Variants in ITGB3BP observed in about 807,000 individuals in gnomAD.
ITGB3BP encodes centromere protein R.
ITGB3BP carries 27 observed loss-of-function variants against 29.1 expected under a neutral mutation model. That is an observed-to-expected ratio of 0.93 (90% CI 0.68 to 1.28). The LOEUF is 1.28. ITGB3BP is among the 50% of genes most tolerant of loss of function. The pLI is 0.00. For missense variants in ITGB3BP, 192 were observed against 200.2 expected (o/e 0.96, Z 0.25); for synonymous variants, 61 against 61.4 (o/e 0.99, Z 0.03).
chr1:63,450,891 C>T (rs1282414774), intron 7 of ITGB3BP, among the ~76,000 whole-genome samples: 1 of 151,886 alleles, frequency 6.6e-6, no homozygotes, highest in African/African-American at 2.4e-5. Flanking sequence ...CTATGAAAAT[C>T]TCAGTGTGCC....
intron 3 of ITGB3BP, among the ~76,000 whole-genome samples, chr1:63,489,392 G>A (rs1181917901): frequency 4.2e-5 from 6 of 143,902 alleles, no homozygotes; most frequent in Non-Finnish European, 9.1e-5. Context: ...ACATGTCACT[G>A]ATTCATAACC....
intron 8 of ITGB3BP, among the ~76,000 whole-genome samples, chr1:63,446,174 C>T (rs571088439): frequency 5.9e-4 from 90 of 152,338 alleles, no homozygotes; most frequent in African/African-American, 2.1e-3. Flanking sequence ...GCTGGGATTA[C>T]AGGCGTGAGC....
At chr1:63,495,956 T>C (rs576677821) in intron 2 of ITGB3BP, among the ~76,000 whole-genome samples, 1 of 152,268 alleles carries the variant, frequency 6.6e-6, no homozygotes, top group South Asian at 2.1e-4. Context: ...ATGTGTCTAC[T>C]CATAACCCAT....
chr1:63,508,773 C>T (rs1646134865), intron 1 of ITGB3BP, among the ~76,000 whole-genome samples: 1 of 151,960 alleles, frequency 6.6e-6, no homozygotes, highest in Admixed American at 6.6e-5. Flanking sequence ...TAAATGGGAT[C>T]ATAATTAAAT....
At chr1:63,493,088 A>ACGCG (rs66981141) in intron 2 of ITGB3BP, among the ~76,000 whole-genome samples, 9 of 148,846 alleles carry the variant, frequency 6.0e-5, no homozygotes, top group South Asian at 4.3e-4. Context: ...ACACACACAC[A>ACGCG]CGCGCGCGCG....
intron 1 of ITGB3BP, among the ~76,000 whole-genome samples, chr1:63,512,494 A>T (rs1456395856): frequency 1.3e-5 from 2 of 152,150 alleles, no homozygotes; most frequent in East Asian, 3.8e-4. Flanking sequence ...AGCTTCTCTT[A>T]TAGAACTTTT....
At chr1:63,460,083 G>T (rs771416033) in intron 4 of ITGB3BP, among the ~76,000 whole-genome samples, 3 of 151,466 alleles carry the variant, frequency 2.0e-5, no homozygotes, top group East Asian at 3.9e-4. Context: ...GCTGTCTCAA[G>T]GAGCTTTTCT....
chr1:63,524,272 A>T (rs1220405255), upstream of ITGB3BP, among the ~76,000 whole-genome samples: 1 of 152,152 alleles, frequency 6.6e-6, no homozygotes, highest in Non-Finnish European at 1.5e-5. Context: ...TTGTGAGGAG[A>T]TGCATGCACA....
intron 3 of ITGB3BP, among the ~76,000 whole-genome samples, chr1:63,488,993 TC>T (rs1313861992): frequency 6.6e-6 from 1 of 152,080 alleles, no homozygotes; most frequent in East Asian, 1.9e-4. Flanking sequence ...CAACTTAAAA[TC>T]TATTCACATT....
intron 4 of ITGB3BP, among the ~76,000 whole-genome samples, chr1:63,473,567 GGA>G (rs1435456631): frequency 2.0e-4 from 28 of 139,576 alleles, no homozygotes; most frequent in African/African-American, 5.5e-4. Context: ...CTGGGAGGGG[GGA>G]GGGGGGGTCA....
intron 2 of ITGB3BP, among the ~76,000 whole-genome samples, chr1:63,495,043 G>A (rs912963753): frequency 2.0e-5 from 3 of 152,100 alleles, no homozygotes; most frequent in Non-Finnish European, 2.9e-5. Context: ...CTAGCCTCAA[G>A]CAATTCTCCC....
At chr1:63,480,677 C>A (rs546912231) in intron 3 of ITGB3BP, among the ~76,000 whole-genome samples, 1 of 152,062 alleles carries the variant, frequency 6.6e-6, no homozygotes, top group South Asian at 2.1e-4. Flanking sequence ...TAAATTGTTA[C>A]CCCAAAATAG....
chr1:63,443,993 A>G (rs1644759588), intron 8 of ITGB3BP, among the ~76,000 whole-genome samples: 1 of 152,204 alleles, frequency 6.6e-6, no homozygotes. Flanking sequence ...GAGATAATGA[A>G]GGAAATGCTC....
rs1215044048 is a variant in ITGB3BP at position 63,454,406 on chromosome 1, C to CT, written c.400dup (p.Arg134LysfsTer15). The CT allele has an allele frequency of 1.3e-5, 20 of 1,596,418 alleles. No individual in the cohort carries two copies. The highest frequency in any genetic ancestry group is 1.7e-5 in the Non-Finnish European group (20 of 1,167,134). ...TAGTTCTTTGGTTTTCTGCATTTCT[C>CT]TTTTTAAGAAATGTGATGCACAGGA... On this transcript the variant is annotated frameshift_variant, in exon 6 of 9. Coordinates refer to ENST00000271002, the MANE Select transcript of ITGB3BP (RefSeq NM_014288.5). LOFTEE classifies it high-confidence loss of function. This position sits in a 1 kb window ranked among gnomAD's most constrained non-coding sequence, Gnocchi z 4.1.
rs1316950624 is a variant in ITGB3BP, at chr1:63,490,149, G to A, written c.118C>T (p.Gln40Ter). ...ITYSPTTGTC[Q>*]MSLFASPTSS... ...GTGGGAGAAGCAAATAGACTCATTTGACAAGTTCCAGTTGTTGGAGAATAA... is the reference window on the plus strand; with the variant it reads ...GTGGGAGAAGCAAATAGACTCATTTAACAAGTTCCAGTTGTTGGAGAATAA... Residue 40 changes from glutamine (Q) to a stop codon, truncating the protein, a stop_gained, in exon 3 of 9, where the codon CAA becomes TAA. Transcript: ENST00000271002. LOFTEE classifies it high-confidence loss of function. The A allele has an allele frequency of 1.2e-6, 2 of 1,605,566 alleles. No homozygotes were observed. Among genetic ancestry groups the A allele is most frequent in the South Asian group, 1.1e-5 (1 of 90,686 alleles).
At chr1:63,509,848 A>G (rs1646159072) in intron 1 of ITGB3BP, among the ~76,000 whole-genome samples, 1 of 152,210 alleles carries the variant, frequency 6.6e-6, no homozygotes, top group Non-Finnish European at 1.5e-5. Flanking sequence ...TTTGGAATAC[A>G]TATTGCCCTA....
At chr1:63,502,902 C>G (rs1645974313) in intron 2 of ITGB3BP, among the ~76,000 whole-genome samples, 1 of 152,118 alleles carries the variant, frequency 6.6e-6, no homozygotes, top group Non-Finnish European at 1.5e-5. Context: ...TTTTCTTAAT[C>G]CAGTCTATCG....
chr1:63,465,390 A>G (rs1645081652), intron 4 of ITGB3BP, among the ~76,000 whole-genome samples: 1 of 152,070 alleles, frequency 6.6e-6, no homozygotes, highest in African/African-American at 2.4e-5. Flanking sequence ...AAAGCTTACA[A>G]AAGGTATTTA....
chr1:63,506,590 A>C lies in ITGB3BP; in HGVS notation c.48+1938T>G, dbSNP rs561111501. Among the ~76,000 whole-genome samples the C allele has an allele frequency of 7.9e-5, 12 of 152,322 alleles. No individual in the cohort carries two copies. In the South Asian group the frequency reaches 2.5e-3, roughly 32 times the overall value. On this transcript the variant is annotated intron_variant, in intron 2 of 8. Transcript: ENST00000271002. Reference sequence around the variant, plus strand: ...GGAAACCATATCAAGAGCCATAAGCAAATGGCATTTGAACCTTGCCCAAAC... The same window carrying C: ...GGAAACCATATCAAGAGCCATAAGCCAATGGCATTTGAACCTTGCCCAAAC...
Sources: gnomAD v4.1 joint callset for allele counts (sites outside exome capture counted in the v4.1 genomes callset) on GRCh38, gnomAD v4.1.1 for gene constraint, Gnocchi (gnomAD v3.1) non-coding constraint, MANE v1.5 for transcripts, NCBI Gene and HGNC (gene_info 2026-07-23, HGNC 2026-07-21) for gene names.